SLC41A3: variants seen among roughly 807,000 people sequenced by gnomAD.
The protein encoded by SLC41A3 is solute carrier family 41 member 3.
A neutral mutation model predicts 45.4 loss-of-function variants in SLC41A3; 44 were observed. The ratio of observed to expected loss-of-function variants is 0.97; its 90% CI spans 0.76 to 1.25. The LOEUF (loss-of-function observed/expected upper bound fraction) is 1.25. Ranked by LOEUF, SLC41A3 falls within the 50% of genes most tolerant of loss-of-function variation. The pLI, the probability that SLC41A3 is intolerant of heterozygous loss-of-function variation, is 0.00. For synonymous variants in SLC41A3, 256 were observed against 252.4 expected, an observed-to-expected ratio of 1.01 and a Z score of -0.13; for missense variants, 550 against 600.6, an observed-to-expected ratio of 0.92 and a Z score of 0.88.
chr3:126,056,891 G>T (rs1172930005), intron 2 of SLC41A3: 2 of 1,144,508 alleles, frequency 1.7e-6, no homozygotes, highest in Admixed American at 4.0e-5. Context: ...GAGGCTCATG[G>T]TCCCTCTGCA....
At chr3:126,086,113 G>A (rs1252568367), upstream of SLC41A3, among the ~76,000 whole-genome samples, 5 of 152,014 alleles carry the variant, frequency 3.3e-5, no homozygotes, top group African/African-American at 4.8e-5. Context: ...AAAAAAAGGT[G>A]GGAAACAAAT....
chr3:126,012,467 T>G, intron 9 of SLC41A3, 148 bp downstream of exon 9: 1 of 982,552 alleles, frequency 1.0e-6, no homozygotes, highest in Non-Finnish European at 1.5e-6. Context: ...GGCCGGGGAG[T>G]CTCATTTCTG....
At chr3:126,057,100 C>A in intron 2 of SLC41A3, 1 of 987,620 alleles carries the variant, frequency 1.0e-6, no homozygotes, top group South Asian at 4.7e-5. Flanking sequence ...GAGGGACTGC[C>A]TCCTCAGGCC....
chr3:126,026,518 G>C lies in SLC41A3; in HGVS notation c.454-39C>G. ...ATCAGAAGCATGAAGGGGGGCCCCGGGGCCACAGCCACACTCCCTGCCCTT... is the reference window on the plus strand; with the variant it reads ...ATCAGAAGCATGAAGGGGGGCCCCGCGGCCACAGCCACACTCCCTGCCCTT... On this transcript the variant is annotated intron_variant, in intron 4 of 10. Coordinates refer to ENST00000360370, the MANE Select transcript of SLC41A3 (RefSeq NM_017836.4). The surrounding 1 kb of genome is among the most constrained non-coding windows in gnomAD (Gnocchi z 4.2). The C allele has an allele frequency of 6.3e-7, 1 of 1,587,236 alleles. No individual in the cohort carries two copies. Among genetic ancestry groups the C allele is most frequent in the East Asian group, 2.3e-5 (1 of 43,978 alleles).
At chr3:126,086,917 T>C (rs193290539), upstream of SLC41A3, among the ~76,000 whole-genome samples, 1 of 152,300 alleles carries the variant, frequency 6.6e-6, no homozygotes, top group Admixed American at 6.5e-5. Context: ...AGCACTTAAA[T>C]ACTTGATCAA....
At position 126,007,172 on chromosome 3, in the gene SLC41A3, C is replaced by T; in HGVS notation, c.1308G>A (p.Gln436=). 1 of 1,614,226 alleles carries T rather than the reference C, an allele frequency of 6.2e-7. No individual in the cohort carries two copies. The highest frequency in any genetic ancestry group is 8.5e-7 in the Non-Finnish European group (1 of 1,180,044). ...AEVMVRLTWH[Q]ALDPDNHCIP... ...TGCAGTGGTTGTCAGGATCCAGGGC[C>T]TGGTGCCAAGTCAGCCGAACCATCA... Residue 436 remains glutamine, a synonymous_variant, in exon 11 of 11, where the codon CAG becomes CAA. Coordinates refer to ENST00000360370, the MANE Select transcript of SLC41A3 (RefSeq NM_017836.4).
chr3:126,090,492 C>A (rs1258114251), intron 1 of SLC41A3, among the ~76,000 whole-genome samples: 1 of 152,182 alleles, frequency 6.6e-6, no homozygotes, highest in Non-Finnish European at 1.5e-5. Context: ...TGAATTATTT[C>A]TTGGCTACAA....
At chr3:126,095,851 G>C (rs1159427331) in intron 1 of SLC41A3, among the ~76,000 whole-genome samples, 1 of 152,202 alleles carries the variant, frequency 6.6e-6, no homozygotes, top group Non-Finnish European at 1.5e-5. Flanking sequence ...ACTATGTTCA[G>C]ATGGTCTGAA....
intron 1 of SLC41A3, among the ~76,000 whole-genome samples, chr3:126,099,047 A>C (rs1214222117): frequency 6.6e-6 from 1 of 151,360 alleles, no homozygotes; most frequent in African/African-American, 2.4e-5. Flanking sequence ...GATTACGGAC[A>C]TGAGCCACTG....
At chr3:126,046,100 CATA>C (rs1441796586) in intron 3 of SLC41A3, among the ~76,000 whole-genome samples, 2 of 150,596 alleles carry the variant, frequency 1.3e-5, no homozygotes, top group Non-Finnish European at 3.0e-5. Context: ...ACTACCTCAA[CATA>C]ATAAAGGTTA....
At chr3:126,084,870 G>A (rs1945342267), upstream of SLC41A3, among the ~76,000 whole-genome samples, 1 of 152,180 alleles carries the variant, frequency 6.6e-6, no homozygotes, top group Non-Finnish European at 1.5e-5. Context: ...TGAAAAACTG[G>A]TTCAGGCCAT....
intron 2 of SLC41A3, chr3:126,056,991 G>T: frequency 9.7e-7 from 1 of 1,029,334 alleles, no homozygotes; most frequent in Non-Finnish European, 1.2e-6. Context: ...CCTGGCCTTG[G>T]TGAGTGCCCA....
chr3:126,061,355 C>T (rs947457713), intron 2 of SLC41A3, among the ~76,000 whole-genome samples: 16 of 152,204 alleles, frequency 1.1e-4, no homozygotes, highest in African/African-American at 3.9e-4. Flanking sequence ...GGCTGGCCTG[C>T]TCCCACACTG....
At chr3:126,023,341 G>A (rs570910880) in intron 5 of SLC41A3, 3 of 158,372 alleles carry the variant, frequency 1.9e-5, no homozygotes, top group African/African-American at 4.8e-5. Flanking sequence ...GTGTTTACTG[G>A]CATCCTCTGA....
rs1314908639 is a variant in SLC41A3, at chr3:126,026,369, A to G, written c.564T>C (p.Ser188=). 16 of 1,574,088 alleles carry G rather than the reference A, an allele frequency of 1.0e-5. No homozygotes were observed. Among genetic ancestry groups the G allele is most frequent in the Non-Finnish European group, 1.4e-5 (16 of 1,158,734 alleles). The change falls in exon 5 of 11, where the codon AGT becomes AGC. Residue 188 remains serine (S), a synonymous_variant. Coordinates refer to ENST00000360370, the MANE Select transcript of SLC41A3 (RefSeq NM_017836.4). This position sits in a 1 kb window ranked among gnomAD's most constrained non-coding sequence, Gnocchi z 4.2. ...VAKVELLCAS[S]VLTAFLAAFA... ...AGGCTGCAAGGAAGGCAGTGAGGAC[A>G]CTGCTGGCACACAGCAACTCCACCT...
chr3:126,056,820 C>G (rs1291574354), intron 2 of SLC41A3: 22 of 1,290,988 alleles, frequency 1.7e-5, no homozygotes, highest in Non-Finnish European at 2.2e-5. Context: ...CCCTGAAGGT[C>G]AGGCTCTCCT....
chr3:126,021,089 T>C (rs1314951745), intron 6 of SLC41A3, among the ~76,000 whole-genome samples: 1 of 152,154 alleles, frequency 6.6e-6, no homozygotes, highest in Admixed American at 6.5e-5. Context: ...AGAGACAGGA[T>C]TTCACCGTGT....
At chr3:126,024,927 A>C (rs753201138) in intron 5 of SLC41A3, 2 of 152,280 alleles carry the variant, frequency 1.3e-5, no homozygotes, top group African/African-American at 4.8e-5. Context: ...GGGGAGAGAC[A>C]GTACACACAT....
chr3:126,083,157 G>A (rs139796907), intron 1 of SLC41A3, among the ~76,000 whole-genome samples: 15 of 152,276 alleles, frequency 9.9e-5, no homozygotes, highest in African/African-American at 3.6e-4. Flanking sequence ...AAGCCCTAAG[G>A]TTTCAGATCA....
Sources: gnomAD v4.1 joint callset for allele counts (sites outside exome capture counted in the v4.1 genomes callset) on GRCh38, gnomAD v4.1.1 for gene constraint, Gnocchi (gnomAD v3.1) non-coding constraint, MANE v1.5 for transcripts, NCBI Gene and HGNC (gene_info 2026-07-23, HGNC 2026-07-21) for gene names.